Variants in CCDC102B observed in about 807,000 individuals in gnomAD.
CCDC102B encodes coiled-coil domain containing 102B, also known as coiled-coil domain-containing protein 102B.
In CCDC102B, 75 loss-of-function variants were observed where a neutral mutation model predicts 57.4. The observed-to-expected ratio is 1.31, with a 90% CI of 1.08 to 1.58. The LOEUF is 1.58. Ranked by LOEUF, CCDC102B falls within the 40% of genes most tolerant of loss-of-function variation. The probability of loss-of-function intolerance (pLI) is 0.00; values close to 1 mark genes in which losing one functional copy is unlikely to be tolerated. For synonymous variants in CCDC102B, 206 were observed against 201.9 expected, an observed-to-expected ratio of 1.02 and a Z score of -0.17; for missense variants, 636 against 582.6, an observed-to-expected ratio of 1.09 and a Z score of -0.94.
chr18:69,048,622 A>T (rs1396008340), intron 7 of CCDC102B, among the ~76,000 whole-genome samples: 1 of 152,164 alleles, frequency 6.6e-6, no homozygotes, highest in Non-Finnish European at 1.5e-5. Context: ...TTGGGAGTTC[A>T]TTATGATATT....
rs531882151 is a variant in CCDC102B at position 68,783,910 on chromosome 18, G to T, written c.-66-39456G>T. ...GTGTTTTTGAGTATAATTGACTCAG[G>T]TTTAACAGTTGATACTCAAGACTAA... On this transcript the variant is annotated intron_variant, in intron 2 of 3. Transcript: ENST00000578970. 7.9e-5 allele frequency among the ~76,000 whole-genome samples: 12 copies of T among 152,218 alleles called. No individual in the cohort carries two copies. The South Asian group carries it at 2.5e-3, about 32-fold the overall frequency.
At position 68,722,949 on chromosome 18, in the gene CCDC102B, A is replaced by T. The variant is rs1327905137; in HGVS notation, c.-67+6355A>T. 2.7e-5 allele frequency among the ~76,000 whole-genome samples: 3 copies of T among 109,976 alleles called. No individual in the cohort carries two copies. The South Asian group carries it at 8.7e-4, about 32-fold the overall frequency. The allele number at this position is 109,976 out of a possible 152,430, so 72.1% of individuals were successfully genotyped here. A position where few individuals can be genotyped will look rare whatever the true frequency, so the allele number is the denominator to read the frequency against. Reference sequence around the variant, plus strand: ...CAGGGAGTACAAGTGCAGGTTTGTTATGTGGGTTGTGTATTAGTCCTTTCT... The same window carrying T: ...CAGGGAGTACAAGTGCAGGTTTGTTTTGTGGGTTGTGTATTAGTCCTTTCT... On this transcript the variant is annotated intron_variant, in intron 2 of 3. Transcript: ENST00000578970.
At chr18:68,768,655 A>T (rs184663192) in intron 2 of CCDC102B, among the ~76,000 whole-genome samples, 201 of 152,246 alleles carry the variant, frequency 1.3e-3, no homozygotes, top group African/African-American at 4.6e-3. Flanking sequence ...AATGTAAATT[A>T]AATATGTATG....
chr18:68,744,345 G>A (rs1163282278), intron 2 of CCDC102B, among the ~76,000 whole-genome samples: 1 of 152,116 alleles, frequency 6.6e-6, no homozygotes, highest in Non-Finnish European at 1.5e-5. Context: ...GAACTGTGGA[G>A]GTTTTAAAAT....
intron 2 of CCDC102B, among the ~76,000 whole-genome samples, chr18:68,726,142 G>A (rs1568218692): frequency 6.6e-6 from 1 of 152,174 alleles, no homozygotes; most frequent in Non-Finnish European, 1.5e-5. Context: ...ATACCATGGG[G>A]ATATCTCCCT....
At chr18:69,042,372 A>C (rs2052454903) in intron 7 of CCDC102B, among the ~76,000 whole-genome samples, 1 of 152,112 alleles carries the variant, frequency 6.6e-6, no homozygotes, top group Admixed American at 6.6e-5. Flanking sequence ...AGCTGCCACT[A>C]ATGTGAAATC....
intron 5 of CCDC102B, among the ~76,000 whole-genome samples, chr18:68,893,676 T>C (rs1393426313): frequency 1.3e-5 from 2 of 152,162 alleles, no homozygotes; most frequent in Admixed American, 6.6e-5. Context: ...ATTCCAGTTG[T>C]TGTTAATGAT....
At chr18:68,938,671 T>C (rs965167782) in intron 6 of CCDC102B, among the ~76,000 whole-genome samples, 2 of 151,592 alleles carry the variant, frequency 1.3e-5, no homozygotes, top group African/African-American at 2.4e-5. Flanking sequence ...ATATCATTGA[T>C]TTTCCCAGAT....
intron 6 of CCDC102B, among the ~76,000 whole-genome samples, chr18:68,942,620 G>A (rs958676262): frequency 1.3e-5 from 2 of 151,974 alleles, no homozygotes; most frequent in African/African-American, 4.8e-5. Context: ...GTGCCTTAAA[G>A]AGCAGTATTG....
At chr18:68,935,763 G>A (rs2049217840) in intron 6 of CCDC102B, among the ~76,000 whole-genome samples, 1 of 151,898 alleles carries the variant, frequency 6.6e-6, no homozygotes, top group Non-Finnish European at 1.5e-5. Context: ...CTGAGAATGA[G>A]TGGCCAGTGT....
chr18:68,765,335 AAGAAAG>A (rs1162169458), intron 2 of CCDC102B, among the ~76,000 whole-genome samples: 1 of 108,782 alleles, frequency 9.2e-6, no homozygotes, highest in African/African-American at 3.2e-5. Context: ...GAAAGAAAGA[AAGAAAG>A]AAAGAAAGAA....
chr18:68,764,888 A>T (rs973500734), intron 2 of CCDC102B, among the ~76,000 whole-genome samples: 2 of 122,816 alleles, frequency 1.6e-5, no homozygotes, highest in African/African-American at 7.5e-5. Flanking sequence ...TAATAATGAT[A>T]AAAAAAAAAA....
intron 6 of CCDC102B, among the ~76,000 whole-genome samples, chr18:68,937,107 A>G (rs1454224354): frequency 2.0e-5 from 3 of 152,038 alleles, no homozygotes; most frequent in African/African-American, 7.2e-5. Flanking sequence ...TTGTTGATTC[A>G]TTAACATTGA....
rs542927569 is a variant in CCDC102B at position 68,867,663 on chromosome 18, A to G, written c.937-7006A>G. ...TAAAGAGGGCTAGCTGGCCGGGCGCAGTGGCTCACGCCTGTAATCCCAGCA... is the reference window on the plus strand; with the variant it reads ...TAAAGAGGGCTAGCTGGCCGGGCGCGGTGGCTCACGCCTGTAATCCCAGCA... On this transcript the variant is annotated intron_variant, in intron 4 of 7. Coordinates refer to ENST00000360242, the MANE Select transcript of CCDC102B (RefSeq NM_024781.3). Among the ~76,000 whole-genome samples, 9 of 152,190 alleles carry G rather than the reference A, an allele frequency of 5.9e-5. No individual in the cohort carries two copies. The South Asian group carries it at 1.0e-3, about 18-fold the overall frequency.
Position 68,836,762 on chromosome 18 carries a change from A to G in CCDC102B, c.-2A>G, listed in dbSNP as rs777751412. ...ATCTTTTCTCAGGTCTTAAAAATAA[A>G]TATGAATTTAGATTCCATACATCGA... On this transcript the variant is annotated 5_prime_UTR_variant, in exon 2 of 8. Coordinates refer to ENST00000360242, the MANE Select transcript of CCDC102B (RefSeq NM_024781.3). The G allele has an allele frequency of 3.1e-6, 5 of 1,609,016 alleles. No individual in the cohort carries two copies. The East Asian group carries it at 6.7e-5, about 22-fold the overall frequency.
intron 1 of CCDC102B, among the ~76,000 whole-genome samples, chr18:68,806,865 G>C (rs900161024): frequency 6.6e-6 from 1 of 152,010 alleles, no homozygotes; most frequent in African/African-American, 2.4e-5. Flanking sequence ...TGTTTAATTA[G>C]TACTCACCGA....
chr18:68,947,005 C>G (rs1177146473), intron 6 of CCDC102B, among the ~76,000 whole-genome samples: 1 of 151,864 alleles, frequency 6.6e-6, no homozygotes, highest in East Asian at 1.9e-4. Flanking sequence ...TGGAGATTTT[C>G]ACATATGATT....
At chr18:68,863,645 G>C (rs75452055) in intron 4 of CCDC102B, among the ~76,000 whole-genome samples, 1 of 151,626 alleles carries the variant, frequency 6.6e-6, no homozygotes, top group African/African-American at 2.4e-5. Context: ...CCCCAACCCC[G>C]CCATTTCTTT....
intron 1 of CCDC102B, among the ~76,000 whole-genome samples, chr18:68,824,403 T>G (rs2036822943): frequency 6.6e-6 from 1 of 152,216 alleles, no homozygotes; most frequent in Admixed American, 6.5e-5. Context: ...TTCCGAGCCT[T>G]TTGGCAAAGT....
Sources: allele counts gnomAD v4.1 joint callset (sites outside exome capture counted in the v4.1 genomes callset), GRCh38; gene constraint gnomAD v4.1.1; transcripts MANE v1.5; gene names NCBI Gene and HGNC (gene_info 2026-07-23, HGNC 2026-07-21).